TMEM44: variants seen among roughly 807,000 people sequenced by gnomAD.
TMEM44 encodes transmembrane protein 44.
A neutral mutation model predicts 47.8 loss-of-function variants in TMEM44; 43 were observed. The ratio of observed to expected loss-of-function variants is 0.90; its 90% CI spans 0.70 to 1.16. TMEM44 has a LOEUF of 1.16. Among genes scored for constraint, TMEM44 ranks in the 50% most tolerant of loss-of-function variants. The pLI is 0.00. For synonymous variants in TMEM44, 277 were observed against 238.8 expected (o/e 1.16, Z -1.48); for missense variants, 568 against 555.2 (o/e 1.02, Z -0.23).
At chr3:194,608,978 G>T (rs1236891037) in intron 8 of TMEM44, among the ~76,000 whole-genome samples, 1 of 152,204 alleles carries the variant, frequency 6.6e-6, no homozygotes, top group African/African-American at 2.4e-5. Flanking sequence ...GGAGGCTGCT[G>T]GACTCAAGAC....
chr3:194,594,232 C>T (rs138835728), intron 9 of TMEM44, among the ~76,000 whole-genome samples: 7 of 151,700 alleles, frequency 4.6e-5, no homozygotes, highest in South Asian at 2.1e-4. Context: ...GGTACGATCT[C>T]GGCTCACTGC....
At position 194,604,310 on chromosome 3, in the gene TMEM44, A is replaced by G. The variant is rs1714517249; in HGVS notation, c.1153T>C (p.Ser385Pro). The change falls in exon 9 of 10, where the codon TCC (serine) becomes CCC (proline). Residue 385 changes from serine (S) to proline (P), a missense_variant. By Grantham distance (74) the Ser-to-Pro change is moderately conservative. Transcript: ENST00000347147. ...ACCTCCAGGTCGGAGTTGATGGAGG[A>G]GACCTCAGAGGAGCTGCCGGAAGAC... ...RVSSGSSSEVSSINSDLEWDP... is the reference protein window; with the variant it reads ...RVSSGSSSEVPSINSDLEWDP... 4 of 1,580,982 alleles carry G rather than the reference A, an allele frequency of 2.5e-6. No individual in the cohort carries two copies. Among genetic ancestry groups the G allele is most frequent in the Non-Finnish European group, 3.4e-6 (4 of 1,164,190 alleles).
chr3:194,602,532 G>A (rs1714259722), intron 9 of TMEM44, among the ~76,000 whole-genome samples: 1 of 152,052 alleles, frequency 6.6e-6, no homozygotes, highest in African/African-American at 2.4e-5. Flanking sequence ...AACCCGGGAG[G>A]CGGAGGTTGC....
chr3:194,633,123 G>T lies in TMEM44; in HGVS notation c.93C>A (p.Gly31=). 6.4e-7 allele frequency: 1 copy of T among 1,551,536 alleles called. No homozygotes were observed. Among genetic ancestry groups the T allele is most frequent in the Non-Finnish European group, 8.7e-7 (1 of 1,148,096 alleles). Residue 31 remains glycine, a synonymous_variant, in exon 1 of 10, where the codon GGC becomes GGA. Transcript: ENST00000347147. Reference sequence around the variant, plus strand: ...AGCAGGAGGAGGCGCAGATCCACAGGCCGAAGGAGATGCAGACGCGGTGGC... The same window carrying T: ...AGCAGGAGGAGGCGCAGATCCACAGTCCGAAGGAGATGCAGACGCGGTGGC... ...FARHRVCISF[G]LWICASSCWI...
intron 3 of TMEM44, among the ~76,000 whole-genome samples, chr3:194,625,544 G>A (rs1179499795): frequency 3.9e-5 from 6 of 152,026 alleles, no homozygotes; most frequent in East Asian, 1.9e-4. Context: ...GCAGTGGTGC[G>A]ATCTCAGCTC....
At chr3:194,594,339 T>C (rs1221289847) in intron 9 of TMEM44, among the ~76,000 whole-genome samples, 1 of 151,736 alleles carries the variant, frequency 6.6e-6, no homozygotes, top group East Asian at 1.9e-4. Flanking sequence ...AATTTTGTAT[T>C]TTTAGTAGAG....
rs536253298 is a variant in TMEM44, at chr3:194,604,257, G to A, written c.1176+30C>T. ...AGTGTCGGCGAACGATGGCACCCAC[G>A]CACCCGCCCAGCAGGCAACAGCCGT... On this transcript the variant is annotated intron_variant, in intron 9 of 9. Transcript: ENST00000347147. The A allele has an allele frequency of 1.3e-5, 21 of 1,565,880 alleles. No individual in the cohort carries two copies. In the South Asian group the frequency reaches 2.4e-4, roughly 18 times the overall value.
At chr3:194,632,914 G>A (rs1045290044) in intron 1 of TMEM44, 165 bp downstream of exon 1, 8 of 1,090,630 alleles carry the variant, frequency 7.3e-6, no homozygotes, top group Non-Finnish European at 1.0e-5. Flanking sequence ...GATCCGGAAA[G>A]AAGATCCCAC....
chr3:194,620,675 G>A (rs1716425582), intron 5 of TMEM44, among the ~76,000 whole-genome samples: 1 of 152,158 alleles, frequency 6.6e-6, no homozygotes, highest in Non-Finnish European at 1.5e-5. Flanking sequence ...GGGCTGGCCT[G>A]GGGGCTGTTT....
intron 5 of TMEM44, 129 bp downstream of exon 5, chr3:194,623,095 G>A (rs1398339849): frequency 1.1e-5 from 10 of 874,454 alleles, no homozygotes; most frequent in Non-Finnish European, 1.5e-5. Context: ...CGCTCTTCAG[G>A]AAAAGCTGAG....
At chr3:194,626,997 C>T (rs1717257268) in intron 2 of TMEM44, among the ~76,000 whole-genome samples, 1 of 151,196 alleles carries the variant, frequency 6.6e-6, no homozygotes, top group African/African-American at 2.4e-5. Flanking sequence ...TCTCGGCTTA[C>T]TGCAACCTCC....
At chr3:194,603,810 T>A (rs1421493810) in intron 9 of TMEM44, among the ~76,000 whole-genome samples, 1 of 152,198 alleles carries the variant, frequency 6.6e-6, no homozygotes, top group African/African-American at 2.4e-5. Flanking sequence ...TGGAAACCTC[T>A]TGTTGGTACT....
chr3:194,621,144 C>T (rs790002), intron 5 of TMEM44, among the ~76,000 whole-genome samples: 57,111 of 151,918 alleles, frequency 0.38, 11,300 homozygotes, highest in Non-Finnish European at 0.45. Context: ...GGATGAGTCC[C>T]ATTCCAATGT....
chr3:194,588,326 C>A lies in TMEM44; in HGVS notation c.*203G>T. ...CTTCAGAACGAATGCTGGGCCTATC[C>A]AGGTCTGTCCGCAGTACCCAAAGTC... On this transcript the variant is annotated 3_prime_UTR_variant, in exon 10 of 10. Transcript: ENST00000347147. The A allele has an allele frequency of 7.0e-6, 4 of 567,712 alleles. No individual in the cohort carries two copies. Among genetic ancestry groups the A allele is most frequent in the Non-Finnish European group, 1.3e-5 (4 of 319,832 alleles). 35.2% of individuals were successfully genotyped at this position (567,712 alleles called of 1,614,324 possible).
intron 9 of TMEM44, among the ~76,000 whole-genome samples, chr3:194,595,626 A>ATT (rs1183156467): frequency 2.7e-5 from 4 of 145,476 alleles, no homozygotes; most frequent in Non-Finnish European, 1.5e-5. Context: ...CTCATTCTCT[A>ATT]TTTTTTTTTT....
intron 2 of TMEM44, among the ~76,000 whole-genome samples, chr3:194,626,275 C>T (rs1474725438): frequency 6.6e-6 from 1 of 152,234 alleles, no homozygotes; most frequent in Non-Finnish European, 1.5e-5. Context: ...ACACTTCCCA[C>T]TGCGTGAGGC....
At chr3:194,600,846 T>C (rs1367335425) in intron 9 of TMEM44, among the ~76,000 whole-genome samples, 1 of 152,252 alleles carries the variant, frequency 6.6e-6, no homozygotes, top group Non-Finnish European at 1.5e-5. Context: ...TGCTCATTTG[T>C]TGTAAGTCTA....
At chr3:194,615,849 C>T in intron 6 of TMEM44, 152 bp from the exon 7 acceptor site, 1 of 1,084,164 alleles carries the variant, frequency 9.2e-7, no homozygotes, top group Non-Finnish European at 1.3e-6. Flanking sequence ...AGGAGCTCAT[C>T]TGAAGACAGG....
At chr3:194,617,415 C>T (rs1716033216) in intron 5 of TMEM44, 146 bp from the exon 6 acceptor site, 2 of 970,688 alleles carry the variant, frequency 2.1e-6, no homozygotes, top group South Asian at 3.6e-5. Flanking sequence ...ACAGCTTTTG[C>T]TCGAGTTGCT....
Sources: allele counts gnomAD v4.1 joint callset (sites outside exome capture counted in the v4.1 genomes callset), GRCh38; gene constraint gnomAD v4.1.1; transcripts MANE v1.5; gene names NCBI Gene and HGNC (gene_info 2026-07-23, HGNC 2026-07-21).